CDC42BPA: variants seen among roughly 807,000 people sequenced by gnomAD.
CDC42BPA encodes serine/threonine-protein kinase MRCK alpha.
CDC42BPA carries 80 observed loss-of-function variants against 223.5 expected under a neutral mutation model. That is an observed-to-expected ratio of 0.36 (90% CI 0.30 to 0.43). CDC42BPA has a LOEUF of 0.43. CDC42BPA is among the 20% of genes least tolerant of loss of function. The probability of loss-of-function intolerance (pLI) is 1.00; values close to 1 mark genes in which losing one functional copy is unlikely to be tolerated. For synonymous variants in CDC42BPA, 694 were observed against 718.6 expected (o/e 0.97, Z 0.55); for missense variants, 1,743 against 2,099.9 (o/e 0.83, Z 3.32).
At chr1:227,236,356 C>T (rs978395384) in intron 2 of CDC42BPA, among the ~76,000 whole-genome samples, 7 of 151,832 alleles carry the variant, frequency 4.6e-5, no homozygotes, top group African/African-American at 1.7e-4. Context: ...AAAGTTTCTC[C>T]CTTCAAAAAA....
At chr1:227,100,673 G>C (rs1684857448) in intron 15 of CDC42BPA, among the ~76,000 whole-genome samples, 1 of 151,592 alleles carries the variant, frequency 6.6e-6, no homozygotes, top group African/African-American at 2.4e-5. Flanking sequence ...CTGGGCTCAA[G>C]TAAGCCTCCT....
intron 15 of CDC42BPA, among the ~76,000 whole-genome samples, chr1:227,093,427 C>T (rs1683440842): frequency 6.6e-6 from 1 of 152,012 alleles, no homozygotes; most frequent in African/African-American, 2.4e-5. Flanking sequence ...AATGCGAGCC[C>T]CTTTAAATTA....
chr1:227,259,135 C>T (rs1365110537), intron 1 of CDC42BPA, among the ~76,000 whole-genome samples: 1 of 150,954 alleles, frequency 6.6e-6, no homozygotes, highest in Non-Finnish European at 1.5e-5. Context: ...GCCACGCCGC[C>T]TCCCTCCCTT....
intron 17 of CDC42BPA, among the ~76,000 whole-genome samples, chr1:227,079,407 CCAGA>C (rs1259138740): frequency 3.9e-5 from 6 of 152,064 alleles, no homozygotes; most frequent in Non-Finnish European, 7.4e-5. Flanking sequence ...ACTCATCATG[CCAGA>C]CACTTGAAAA....
chr1:227,158,649 T>C (rs989807310), intron 6 of CDC42BPA, among the ~76,000 whole-genome samples: 5 of 152,196 alleles, frequency 3.3e-5, no homozygotes, highest in Admixed American at 6.5e-5. Flanking sequence ...TGTTAGAGAG[T>C]AGGTCTTAGG....
intron 10 of CDC42BPA, among the ~76,000 whole-genome samples, chr1:227,134,057 T>C (rs1012577928): frequency 1.3e-5 from 2 of 152,128 alleles, no homozygotes; most frequent in South Asian, 2.1e-4. Flanking sequence ...TCCAAAATCA[T>C]CTCTCTCATC....
intron 2 of CDC42BPA, among the ~76,000 whole-genome samples, chr1:227,247,087 G>C (rs1263046623): frequency 1.3e-5 from 2 of 151,890 alleles, no homozygotes; most frequent in East Asian, 3.9e-4. Flanking sequence ...TGTAATCCCA[G>C]CTACTCAGCA....
At chr1:227,266,987 A>G (rs1685107613) in intron 1 of CDC42BPA, among the ~76,000 whole-genome samples, 1 of 152,184 alleles carries the variant, frequency 6.6e-6, no homozygotes, top group Non-Finnish European at 1.5e-5. Context: ...ATGAGATCAG[A>G]AAGAGCAGGA....
At chr1:227,079,169 C>T (rs2149121889) in intron 17 of CDC42BPA, among the ~76,000 whole-genome samples, 1 of 152,246 alleles carries the variant, frequency 6.6e-6, no homozygotes, top group East Asian at 1.9e-4. Flanking sequence ...AATCTGCTAT[C>T]TATTACTCCA....
At chr1:227,235,095 C>G (rs1270997910) in intron 2 of CDC42BPA, 1 of 152,116 alleles carries the variant, frequency 6.6e-6, no homozygotes, top group Non-Finnish European at 1.5e-5. Flanking sequence ...GCAGATGGAG[C>G]CTTCTCTGTG....
In CDC42BPA at chr1:227,204,093, T is replaced by C. The variant is rs1449037974; in HGVS notation, c.355-4441A>G. Among the ~76,000 whole-genome samples the C allele has an allele frequency of 1.2e-4, 18 of 152,342 alleles. No individual in the cohort carries two copies. In the East Asian group the frequency reaches 1.3e-3, roughly 11 times the overall value. ...TAGAATACTATCACAGAGAAACTCTTTCAAATAATAACTGAATCTTTCTCT... is the reference window on the plus strand; with the variant it reads ...TAGAATACTATCACAGAGAAACTCTCTCAAATAATAACTGAATCTTTCTCT... On this transcript the variant is annotated intron_variant, in intron 3 of 36. Transcript: ENST00000366766.
chr1:227,177,288 C>A (rs1667131886), intron 5 of CDC42BPA, among the ~76,000 whole-genome samples: 1 of 152,098 alleles, frequency 6.6e-6, no homozygotes, highest in Non-Finnish European at 1.5e-5. Flanking sequence ...AGGCCTGAAG[C>A]AATGAATTCT....
intron 1 of CDC42BPA, among the ~76,000 whole-genome samples, chr1:227,307,522 A>G (rs989805241): frequency 8.4e-6 from 1 of 119,444 alleles, no homozygotes; most frequent in Non-Finnish European, 2.0e-5. Flanking sequence ...AACAAAGTTT[A>G]AATGGTTTCT....
At chr1:227,055,635 A>T (rs1186958147) in intron 21 of CDC42BPA, among the ~76,000 whole-genome samples, 2 of 152,126 alleles carry the variant, frequency 1.3e-5, no homozygotes, top group African/African-American at 4.8e-5. Flanking sequence ...TTAGCCATGG[A>T]AGTTAAAATA....
chr1:227,292,491 A>G (rs1388118051), intron 1 of CDC42BPA, among the ~76,000 whole-genome samples: 1 of 152,180 alleles, frequency 6.6e-6, no homozygotes. Flanking sequence ...AATGGCAGTA[A>G]AACTTTTTAA....
chr1:227,110,328 T>C (rs1686708207), intron 14 of CDC42BPA, among the ~76,000 whole-genome samples: 1 of 152,210 alleles, frequency 6.6e-6, no homozygotes, highest in South Asian at 2.1e-4. Flanking sequence ...CAGGTTCTGG[T>C]CTATACATGT....
At chr1:227,178,962 T>C (rs1056153741) in intron 5 of CDC42BPA, among the ~76,000 whole-genome samples, 3 of 152,256 alleles carry the variant, frequency 2.0e-5, no homozygotes, top group South Asian at 4.1e-4. Context: ...CTCTGGAAAA[T>C]GTTGGTGTCT....
intron 2 of CDC42BPA, among the ~76,000 whole-genome samples, chr1:227,250,999 G>A (rs1340330026): frequency 6.6e-6 from 1 of 152,158 alleles, no homozygotes; most frequent in Non-Finnish European, 1.5e-5. Flanking sequence ...GCTGCAGTGA[G>A]CTATGATCAC....
At chr1:227,309,409 A>G (rs1347239516) in intron 1 of CDC42BPA, among the ~76,000 whole-genome samples, 5 of 152,172 alleles carry the variant, frequency 3.3e-5, no homozygotes, top group Admixed American at 2.6e-4. Flanking sequence ...ATAAAAGTAT[A>G]TATTTTCTAG....
Sources: gnomAD v4.1 joint callset for allele counts (sites outside exome capture counted in the v4.1 genomes callset) on GRCh38, gnomAD v4.1.1 for gene constraint, MANE v1.5 for transcripts, NCBI Gene and HGNC (gene_info 2026-07-23, HGNC 2026-07-21) for gene names.